The following CAND1 variants were observed in gnomAD, a reference collection of about 807,000 sequenced individuals.
CAND1 encodes the protein cullin associated and neddylation dissociated 1.
CAND1 carries 7 observed loss-of-function variants against 108.5 expected under a neutral mutation model. The observed-to-expected ratio is 0.06, with a 90% CI of 0.04 to 0.12. CAND1 has a LOEUF of 0.12. Ranked by LOEUF, CAND1 falls within the 10% of genes least tolerant of loss-of-function variation. The pLI is 1.00. For synonymous variants in CAND1, 534 were observed against 512.0 expected (o/e 1.04, Z -0.58); for missense variants, 941 against 1,448.7 (o/e 0.65, Z 5.69).
chr12:67,280,761 C>G (rs1351372052), intron 1 of CAND1, among the ~76,000 whole-genome samples: 4 of 152,142 alleles, frequency 2.6e-5, no homozygotes, highest in Non-Finnish European at 5.9e-5. Context: ...ACCTGAGACT[C>G]TATTTATCTT....
In CAND1 at chr12:67,295,089, A is replaced by G. The variant is rs1204218834; in HGVS notation, c.424A>G (p.Ile142Val). The G allele has an allele frequency of 1.2e-6, 2 of 1,613,204 alleles. No individual in the cohort carries two copies. Among genetic ancestry groups the G allele is most frequent in the Non-Finnish European group, 8.5e-7 (1 of 1,179,390 alleles). The change falls in exon 4 of 15, where the codon ATA becomes GTA. Residue 142 changes from isoleucine to valine, a missense_variant. This residue lies in a region of CAND1 where 697 missense variants were observed against 942.0 expected (regional missense o/e 0.74). Transcript: ENST00000545606. ...KKITGRLTSA[I>V]AKQEDVSVQL... ...GATTACTGGACGTCTTACAAGTGCA[A>G]TAGCAAAACAGGAAGATGTCTCTGT...
chr12:67,290,571 A>C (rs1264329508), intron 2 of CAND1, among the ~76,000 whole-genome samples: 1 of 152,186 alleles, frequency 6.6e-6, no homozygotes, highest in Non-Finnish European at 1.5e-5. Flanking sequence ...TACCCTGTAA[A>C]TGCTGACATT....
chr12:67,309,652 C>T (rs570352019), intron 11 of CAND1, among the ~76,000 whole-genome samples: 3 of 152,030 alleles, frequency 2.0e-5, no homozygotes, highest in South Asian at 2.1e-4. Context: ...CTTCCATACC[C>T]TCTGCATTAT....
Position 67,297,337 on chromosome 12 carries a change from A to G in CAND1, c.492-70A>G, listed in dbSNP as rs774363546. 3 of 1,409,644 alleles carry G rather than the reference A, an allele frequency of 2.1e-6. No homozygotes were observed. The African/African-American group carries it at 4.2e-5, about 20-fold the overall frequency. 87.3% of individuals were successfully genotyped at this position (1,409,644 alleles called of 1,614,324 possible). ...AATATTTGCATTGAGGTCAGAGGCC[A>G]GACATTTAGTAGTGGCCAGGCATCT... On this transcript the variant is annotated intron_variant, in intron 4 of 14. Transcript: ENST00000545606.
In CAND1 at chr12:67,299,035, G is replaced by T; in HGVS notation, c.940G>T (p.Asp314Tyr). ...YLTYDPNYNY[D>Y]DEDEDENAMD... is the part of the protein sequence containing the mutation. ...TACCTATGATCCAAATTATAATTAC[G>T]ATGATGAAGATGAAGATGAAAATGC... Residue 314 changes from aspartate to tyrosine, a missense_variant, in exon 7 of 15, where the codon GAT becomes TAT. This residue lies in a region of CAND1 where 697 missense variants were observed against 942.0 expected (regional missense o/e 0.74). Transcript: ENST00000545606. The T allele has an allele frequency of 6.7e-7, 1 of 1,491,724 alleles. No homozygotes were observed. The highest frequency in any genetic ancestry group is 9.3e-7 in the Non-Finnish European group (1 of 1,072,740). The allele number at this position is 1,491,724 out of a possible 1,614,324, so 92.4% of individuals were successfully genotyped here. A position where few individuals can be genotyped will look rare whatever the true frequency, so the allele number is the denominator to read the frequency against.
At position 67,305,579 on chromosome 12, in the gene CAND1, G is replaced by C; in HGVS notation, c.1911G>C (p.Gly637=). 6.2e-7 allele frequency: 1 copy of C among 1,614,104 alleles called. No homozygotes were observed. The highest frequency in any genetic ancestry group is 8.5e-7 in the Non-Finnish European group (1 of 1,180,012). The change falls in exon 10 of 15, where the codon GGG becomes GGC. Residue 637 remains glycine, a synonymous_variant. Coordinates refer to ENST00000545606, the MANE Select transcript of CAND1 (RefSeq NM_018448.5). The surrounding 1 kb of genome is among the most constrained non-coding windows in gnomAD (Gnocchi z 4.4). ...TTVKALTLIA[G]SPLKIDLRPV... is the part of the protein sequence containing the mutation. ...TAAAGGCATTGACACTGATTGCTGG[G>C]TCACCTTTGAAGATAGATTTGAGGC...
At chr12:67,304,392 T>G (rs2136016096) in intron 8 of CAND1, among the ~76,000 whole-genome samples, 2 of 152,340 alleles carry the variant, frequency 1.3e-5, no homozygotes, top group South Asian at 4.1e-4. Flanking sequence ...CTGTAATTTC[T>G]TATCAGTATC....
intron 2 of CAND1, among the ~76,000 whole-genome samples, chr12:67,291,583 A>G (rs560315349): frequency 9.2e-5 from 14 of 152,200 alleles, no homozygotes; most frequent in Non-Finnish European, 1.6e-4. Context: ...TAAACATGAA[A>G]TTAATTTATG....
At chr12:67,281,470 A>C (rs1366767626) in intron 1 of CAND1, among the ~76,000 whole-genome samples, 1 of 152,226 alleles carries the variant, frequency 6.6e-6, no homozygotes, top group Non-Finnish European at 1.5e-5. Flanking sequence ...AGGTGTTCTT[A>C]ATGTTTTTGG....
At chr12:67,278,971 T>C (rs111616480) in intron 1 of CAND1, among the ~76,000 whole-genome samples, 6 of 152,320 alleles carry the variant, frequency 3.9e-5, no homozygotes, top group African/African-American at 1.4e-4. Context: ...TGTGTGTGCT[T>C]TGGTTAGCCC....
chr12:67,300,318 T>C (rs2044812451), intron 7 of CAND1, among the ~76,000 whole-genome samples: 1 of 152,150 alleles, frequency 6.6e-6, no homozygotes, highest in South Asian at 2.1e-4. Context: ...TGATCTCATC[T>C]AGTCTCCTGG....
In CAND1 at chr12:67,305,224, C is replaced by A. The variant is rs767427223; in HGVS notation, c.1556C>A (p.Ala519Asp). 6.2e-7 allele frequency: 1 copy of A among 1,614,162 alleles called. No individual in the cohort carries two copies. Residue 519 changes from alanine (A) to aspartate (D), a missense_variant, in exon 10 of 15, where the codon GCT becomes GAT. Transcript: ENST00000545606. This position sits in a 1 kb window ranked among gnomAD's most constrained non-coding sequence, Gnocchi z 4.4. ...CAAGTCTTCCATCCTCACGTTCAGG[C>A]TTTGGTTCCTCCAGTGGTGGCTTGT... ...SPQVFHPHVQ[A>D]LVPPVVACVG...
intron 2 of CAND1, among the ~76,000 whole-genome samples, chr12:67,284,782 GACAC>G (rs1232236438): frequency 1.4e-5 from 2 of 145,640 alleles, no homozygotes; most frequent in Admixed American, 1.4e-4. Flanking sequence ...CCCCGCCCCC[GACAC>G]ACACACATAC....
chr12:67,291,863 G>A (rs566454917), intron 2 of CAND1, among the ~76,000 whole-genome samples: 2 of 152,072 alleles, frequency 1.3e-5, no homozygotes, highest in East Asian at 1.9e-4. Context: ...CTCCTAATTC[G>A]CCTATTGATT....
intron 2 of CAND1, among the ~76,000 whole-genome samples, chr12:67,283,738 A>G (rs1384419602): frequency 1.3e-5 from 2 of 152,202 alleles, no homozygotes; most frequent in South Asian, 2.1e-4. Context: ...TTTTAAAAAA[A>G]TAAGTCTTTA....
Position 67,292,664 on chromosome 12 carries a change from G to T in CAND1, c.255G>T (p.Glu85Asp). 6.2e-7 allele frequency: 1 copy of T among 1,612,508 alleles called. No homozygotes were observed. The highest frequency in any genetic ancestry group is 8.5e-7 in the Non-Finnish European group (1 of 1,179,148). Residue 85 changes from glutamate (E) to aspartate (D), a missense_variant, in exon 3 of 15, where the codon GAG (glutamate) becomes GAT (aspartate). By Grantham distance (45) the Glu-to-Asp change is conservative. This residue lies in a region of CAND1 where 44 missense variants were observed against 129.1 expected (regional missense o/e 0.34). Transcript: ENST00000545606. The stretch of plus-strand genomic sequence containing the variant: ...GTAAAGTGAAAGAATACCAAGTAGA[G>T]ACAATTGTAGATACCCTCTGCACTA... ...LVSKVKEYQV[E>D]TIVDTLCTNM...
chr12:67,308,745 G>C (rs755223037), intron 11 of CAND1, among the ~76,000 whole-genome samples: 1 of 151,914 alleles, frequency 6.6e-6, no homozygotes, highest in Non-Finnish European at 1.5e-5. Context: ...TACCAGTTTA[G>C]TATGCAAATA....
At chr12:67,285,157 A>G (rs2044658470) in intron 2 of CAND1, among the ~76,000 whole-genome samples, 1 of 152,240 alleles carries the variant, frequency 6.6e-6, no homozygotes, top group East Asian at 1.9e-4. Flanking sequence ...AGTAAATGTA[A>G]CAAGAAATGT....
At chr12:67,274,001 G>T (rs1013544206) in intron 1 of CAND1, among the ~76,000 whole-genome samples, 4 of 152,108 alleles carry the variant, frequency 2.6e-5, no homozygotes, top group Non-Finnish European at 5.9e-5. Flanking sequence ...ACTTGTTTAA[G>T]GTCAGTTAGA....
Sources: allele counts gnomAD v4.1 joint callset (sites outside exome capture counted in the v4.1 genomes callset), GRCh38; gene constraint gnomAD v4.1.1; regional missense constraint gnomAD v4.1.1; non-coding constraint Gnocchi (gnomAD v3.1); transcripts MANE v1.5; gene names NCBI Gene and HGNC (gene_info 2026-07-23, HGNC 2026-07-21).